The following NTM variants were observed in gnomAD, a reference collection of about 807,000 sequenced individuals.
NTM encodes the protein IgLON family member 2.
NTM carries 13 observed loss-of-function variants against 42.1 expected under a neutral mutation model. The ratio of observed to expected loss-of-function variants is 0.31; its 90% CI spans 0.20 to 0.49. The LOEUF (loss-of-function observed/expected upper bound fraction) is 0.49, where lower values mean the gene tolerates loss of function less well. Ranked by LOEUF, NTM falls within the 20% of genes least tolerant of loss-of-function variation. The pLI is 0.99. For missense variants in NTM, 373 were observed against 452.8 expected, an observed-to-expected ratio of 0.82 and a Z score of 1.60; for synonymous variants, 187 against 179.2, an observed-to-expected ratio of 1.04 and a Z score of -0.35.
At chr11:131,735,587 C>T (rs1291366276) in intron 1 of NTM, among the ~76,000 whole-genome samples, 1 of 152,110 alleles carries the variant, frequency 6.6e-6, no homozygotes, top group Non-Finnish European at 1.5e-5. Flanking sequence ...CCACATATGC[C>T]CCGACAAAGT....
intron 2 of NTM, among the ~76,000 whole-genome samples, chr11:131,976,026 A>C (rs1404202275): frequency 6.6e-6 from 1 of 152,030 alleles, no homozygotes; most frequent in Non-Finnish European, 1.5e-5. Context: ...CCTGCTCAAA[A>C]AGAACCCAGT....
intron 1 of NTM, among the ~76,000 whole-genome samples, chr11:131,557,380 C>A (rs915141993): frequency 2.0e-5 from 3 of 152,166 alleles, no homozygotes; most frequent in African/African-American, 7.2e-5. Flanking sequence ...ACATTTTGTA[C>A]TTCAAGCTCC....
intron 2 of NTM, among the ~76,000 whole-genome samples, chr11:132,010,846 G>T (rs2072013290): frequency 6.6e-6 from 1 of 152,024 alleles, no homozygotes; most frequent in African/African-American, 2.4e-5. Flanking sequence ...CCTGATGGAA[G>T]TATCATTTAT....
At chr11:131,571,718 G>A (rs1391026937) in intron 1 of NTM, among the ~76,000 whole-genome samples, 1 of 152,220 alleles carries the variant, frequency 6.6e-6, no homozygotes, top group Non-Finnish European at 1.5e-5. Flanking sequence ...AGACAAAAGA[G>A]ATGTCGGATT....
intron 3 of NTM, among the ~76,000 whole-genome samples, chr11:132,195,056 C>T (rs1304465005): frequency 6.6e-6 from 1 of 151,988 alleles, no homozygotes; most frequent in Non-Finnish European, 1.5e-5. Context: ...CTCCTAACCT[C>T]AAGTGATCTG....
chr11:132,300,610 A>G (rs1165353704), intron 4 of NTM, among the ~76,000 whole-genome samples: 4 of 152,166 alleles, frequency 2.6e-5, no homozygotes, highest in South Asian at 2.1e-4. Flanking sequence ...TTGTGGAAAC[A>G]CTTTTTAACA....
chr11:132,044,175 T>C (rs2077653971), intron 2 of NTM, among the ~76,000 whole-genome samples: 1 of 45,360 alleles, frequency 2.2e-5, no homozygotes, highest in Non-Finnish European at 3.8e-5. Context: ...CTTATGTGCA[T>C]GTGTATGTGT....
intron 1 of NTM, among the ~76,000 whole-genome samples, chr11:131,671,300 G>A (rs2070178698): frequency 1.3e-5 from 2 of 152,300 alleles, no homozygotes; most frequent in Admixed American, 1.3e-4. Flanking sequence ...CCTCCCTGGG[G>A]CGCTATCTGG....
chr11:131,826,246 T>C (rs2042112695), intron 1 of NTM, among the ~76,000 whole-genome samples: 1 of 151,368 alleles, frequency 6.6e-6, no homozygotes, highest in Non-Finnish European at 1.5e-5. Flanking sequence ...GAGGAGGGAG[T>C]TGCCCACTAG....
chr11:131,850,641 C>T (rs918550480), intron 1 of NTM, among the ~76,000 whole-genome samples: 2 of 152,126 alleles, frequency 1.3e-5, no homozygotes, highest in Non-Finnish European at 2.9e-5. Flanking sequence ...GGGTAGGTAG[C>T]GGCTGCTGAT....
intron 3 of NTM, among the ~76,000 whole-genome samples, chr11:132,195,622 GA>G (rs1566440516): frequency 6.6e-6 from 1 of 152,112 alleles, no homozygotes; most frequent in Non-Finnish European, 1.5e-5. Context: ...TAGACCAACA[GA>G]ACAGGATAGA....
intron 2 of NTM, among the ~76,000 whole-genome samples, chr11:132,009,967 G>A (rs1593679527): frequency 6.6e-6 from 1 of 152,120 alleles, no homozygotes; most frequent in South Asian, 2.1e-4. Flanking sequence ...AAATGGCCGT[G>A]GAAGGTCACT....
intron 2 of NTM, among the ~76,000 whole-genome samples, chr11:132,035,986 C>CG (rs1040392052): frequency 6.6e-6 from 1 of 152,064 alleles, no homozygotes; most frequent in Non-Finnish European, 1.5e-5. Context: ...CATCATTACG[C>CG]GGGGGTGACA....
At chr11:131,907,262 A>T (rs1225993928) in intron 1 of NTM, among the ~76,000 whole-genome samples, 1 of 152,216 alleles carries the variant, frequency 6.6e-6, no homozygotes, top group African/African-American at 2.4e-5. Context: ...GGTAACATGG[A>T]GTAAAACAAA....
intron 1 of NTM, among the ~76,000 whole-genome samples, chr11:131,387,926 A>C (rs1374018989): frequency 6.6e-6 from 1 of 152,238 alleles, no homozygotes; most frequent in Non-Finnish European, 1.5e-5. Flanking sequence ...GGAGTCTGTG[A>C]CATCTAGCAT....
chr11:131,647,333 T>C (rs2065890520), intron 1 of NTM, among the ~76,000 whole-genome samples: 1 of 152,196 alleles, frequency 6.6e-6, no homozygotes, highest in African/African-American at 2.4e-5. Context: ...TGGACATCAA[T>C]AGGTGATTAA....
chr11:132,158,915 G>A (rs528388860), intron 3 of NTM, among the ~76,000 whole-genome samples: 1 of 152,330 alleles, frequency 6.6e-6, no homozygotes, highest in Admixed American at 6.5e-5. Context: ...TGCCTGGAAA[G>A]AAAACAGGAA....
At chr11:131,897,423 A>C (rs1365505736) in intron 1 of NTM, among the ~76,000 whole-genome samples, 3 of 152,374 alleles carry the variant, frequency 2.0e-5, no homozygotes, top group Admixed American at 6.5e-5. Flanking sequence ...ATATTGTTGC[A>C]GTTGGAGTTA....
intron 2 of NTM, among the ~76,000 whole-genome samples, chr11:131,948,225 C>T (rs1022211872): frequency 2.0e-5 from 3 of 151,740 alleles, no homozygotes; most frequent in South Asian, 2.1e-4. Context: ...ATTAGCCAGG[C>T]GTGGTGGTGG....
Sources: allele counts gnomAD v4.1 joint callset (sites outside exome capture counted in the v4.1 genomes callset), GRCh38; gene constraint gnomAD v4.1.1; transcripts MANE v1.5; gene names NCBI Gene and HGNC (gene_info 2026-07-23, HGNC 2026-07-21).